PRR5L: variants seen among roughly 807,000 people sequenced by gnomAD.
The protein encoded by PRR5L is proline-rich protein 5-like.
Under a neutral mutation model 36.4 loss-of-function variants are expected in PRR5L, and 21 were observed. The observed-to-expected ratio is 0.58, with a 90% CI of 0.41 to 0.83. The LOEUF (loss-of-function observed/expected upper bound fraction) is 0.83, where lower values mean the gene tolerates loss of function less well. Ranked by LOEUF, PRR5L falls within the 40% of genes least tolerant of loss-of-function variation. The probability of loss-of-function intolerance (pLI) is 0.00; values close to 1 mark genes in which losing one functional copy is unlikely to be tolerated. For missense variants in PRR5L, 381 were observed against 473.3 expected (o/e 0.80, Z 1.81); for synonymous variants, 188 against 197.0 (o/e 0.95, Z 0.38).
At chr11:36,346,275 C>G (rs779279893) in intron 1 of PRR5L, among the ~76,000 whole-genome samples, 29 of 152,134 alleles carry the variant, frequency 1.9e-4, no homozygotes, top group Admixed American at 4.6e-4. Context: ...GCCCAGCCTT[C>G]TGAAGGATTT....
At chr11:36,360,990 G>A (rs1857080589) in intron 1 of PRR5L, among the ~76,000 whole-genome samples, 1 of 152,202 alleles carries the variant, frequency 6.6e-6, no homozygotes, top group African/African-American at 2.4e-5. Flanking sequence ...TCAGTTCAAT[G>A]TTCTGCTGTG....
chr11:36,322,441 T>C (rs1462796234), intron 1 of PRR5L, among the ~76,000 whole-genome samples: 1 of 152,124 alleles, frequency 6.6e-6, no homozygotes, highest in East Asian at 1.9e-4. Flanking sequence ...TGGTTTAGAG[T>C]GAACTGTTGT....
rs187733868 is a variant in PRR5L at position 36,365,966 on chromosome 11, T to G, written c.-125-35031T>G. 7.2e-5 allele frequency among the ~76,000 whole-genome samples: 11 copies of G among 152,346 alleles called. No homozygotes were observed. The East Asian group carries it at 2.1e-3, about 29-fold the overall frequency. The stretch of plus-strand genomic sequence containing the variant: ...GCTAGGGGACAGGGCATCTTTCCTC[T>G]GTTCACTTTCTGCTCTTGCAGAAAT... On this transcript the variant is annotated intron_variant, in intron 1 of 8. Transcript: ENST00000530639.
At chr11:36,348,962 A>G (rs1408418722) in intron 1 of PRR5L, among the ~76,000 whole-genome samples, 1 of 152,186 alleles carries the variant, frequency 6.6e-6, no homozygotes, top group African/African-American at 2.4e-5. Flanking sequence ...CATTTGATGT[A>G]AAATGTCCTT....
At chr11:36,303,562 C>A (rs12146689) in intron 1 of PRR5L, among the ~76,000 whole-genome samples, 29,384 of 152,098 alleles carry the variant, frequency 0.19, 2,975 homozygotes, top group South Asian at 0.34. Flanking sequence ...TAATCTGCAC[C>A]TGTTATAAAA....
At chr11:36,384,475 A>C (rs1590513481) in intron 1 of PRR5L, among the ~76,000 whole-genome samples, 2 of 152,268 alleles carry the variant, frequency 1.3e-5, no homozygotes, top group Admixed American at 6.5e-5. Flanking sequence ...CATCCAGTGG[A>C]CACTCTAATG....
At chr11:36,299,875 AAACAAC>A (rs199578894) in intron 1 of PRR5L, among the ~76,000 whole-genome samples, 9 of 152,084 alleles carry the variant, frequency 5.9e-5, no homozygotes, top group African/African-American at 1.7e-4. Flanking sequence ...CTATAAAGGT[AAACAAC>A]AACAACAACA....
At chr11:36,439,215 GGGTCTCTCTTCA>G (rs768004089) in intron 6 of PRR5L, among the ~76,000 whole-genome samples, 2 of 152,082 alleles carry the variant, frequency 1.3e-5, no homozygotes, top group African/African-American at 4.8e-5. Flanking sequence ...GAGGGGCCCT[GGGTCTCTCTTCA>G]GGCCATTTGT....
rs1239078415 is a variant in PRR5L at position 36,350,938 on chromosome 11, T to TTATA, written c.-125-50049_-125-50046dup. Reference sequence around the variant, plus strand: ...TATATATTTATATATATTTATATATTTATATATATATATTTATATATATTT... The same window carrying TTATA: ...TATATATTTATATATATTTATATATTTATATATATATATATATTTATATATATTT... On this transcript the variant is annotated intron_variant, in intron 1 of 8. Transcript: ENST00000530639. 7.0e-5 allele frequency among the ~76,000 whole-genome samples: 2 copies of TTATA among 28,384 alleles called. 1 individual carries two copies. Among genetic ancestry groups the TTATA allele is most frequent in the Non-Finnish European group, 1.2e-4 (2 of 16,424 alleles). The allele number at this position is 28,384 out of a possible 152,430, so 18.6% of individuals were successfully genotyped here.
intron 3 of PRR5L, among the ~76,000 whole-genome samples, chr11:36,411,017 C>T (rs571693373): frequency 2.0e-5 from 3 of 152,314 alleles, no homozygotes; most frequent in East Asian, 1.9e-4. Flanking sequence ...TGCCAGATGG[C>T]GCAGAAATAT....
rs1856829635 is a variant in PRR5L, at chr11:36,342,774, C to T, written c.-126+46336C>T. Among the ~76,000 whole-genome samples, 4 of 152,126 alleles carry T rather than the reference C, an allele frequency of 2.6e-5. No individual in the cohort carries two copies. In the South Asian group the frequency reaches 6.2e-4, roughly 24 times the overall value. ...GACCAGAGACCCTTTACAATCCAGT[C>T]TTCTTCTCCCTTTAAATATAGCCGC... On this transcript the variant is annotated intron_variant, in intron 1 of 8. Transcript: ENST00000530639.
chr11:36,352,276 ATTTGTTT>A (rs1398060157), intron 1 of PRR5L, among the ~76,000 whole-genome samples: 19 of 151,866 alleles, frequency 1.3e-4, no homozygotes, highest in African/African-American at 3.4e-4. Context: ...TGATGGGATT[ATTTGTTT>A]TTTGTTTTTT....
At chr11:36,348,515 C>T (rs570842468) in intron 1 of PRR5L, among the ~76,000 whole-genome samples, 7 of 152,282 alleles carry the variant, frequency 4.6e-5, no homozygotes, top group African/African-American at 1.4e-4. Context: ...CTGGAACTTC[C>T]GGGCACCTCT....
intron 1 of PRR5L, among the ~76,000 whole-genome samples, chr11:36,325,125 G>A (rs888624245): frequency 6.6e-6 from 1 of 152,136 alleles, no homozygotes; most frequent in Admixed American, 6.5e-5. Context: ...TGGAATCTTG[G>A]GCCATGCGGT....
At chr11:36,366,142 T>G (rs1400208641) in intron 1 of PRR5L, among the ~76,000 whole-genome samples, 2 of 152,200 alleles carry the variant, frequency 1.3e-5, no homozygotes, top group Non-Finnish European at 2.9e-5. Flanking sequence ...AACTGTATAA[T>G]TTGTAGTTAT....
At chr11:36,433,564 T>C (rs1042459442) in intron 5 of PRR5L, among the ~76,000 whole-genome samples, 2 of 152,234 alleles carry the variant, frequency 1.3e-5, no homozygotes, top group Non-Finnish European at 2.9e-5. Flanking sequence ...TGCTTCTTTT[T>C]TTGAGACAGA....
intron 1 of PRR5L, among the ~76,000 whole-genome samples, chr11:36,393,360 A>G (rs553865937): frequency 1.4e-4 from 21 of 152,284 alleles, no homozygotes; most frequent in Non-Finnish European, 2.6e-4. Flanking sequence ...ATTTTTATAT[A>G]TAAGATAGGG....
chr11:36,298,009 C>T (rs541602097), intron 1 of PRR5L, among the ~76,000 whole-genome samples: 1 of 152,324 alleles, frequency 6.6e-6, no homozygotes, highest in African/African-American at 2.4e-5. Context: ...CTAGTTCTTT[C>T]TCTCTAGGCA....
In PRR5L at chr11:36,419,240, C is replaced by T. The variant is rs764107616; in HGVS notation, c.246-15C>T. ...AGGGCTGCTTGACGGTGTTTCTCTTCTCCCTTCTCCCCAGGCGGCTGTTGA... is the reference window on the plus strand; with the variant it reads ...AGGGCTGCTTGACGGTGTTTCTCTTTTCCCTTCTCCCCAGGCGGCTGTTGA... On this transcript the variant is annotated splice_polypyrimidine_tract_variant and intron_variant, in intron 3 of 8. Transcript: ENST00000530639. The T allele has an allele frequency of 3.2e-5, 51 of 1,613,342 alleles. 1 individual carries two copies. Among genetic ancestry groups the T allele is most frequent in the Non-Finnish European group, 3.7e-5 (44 of 1,179,402 alleles).
Sources: gnomAD v4.1 joint callset for allele counts (sites outside exome capture counted in the v4.1 genomes callset) on GRCh38, gnomAD v4.1.1 for gene constraint, MANE v1.5 for transcripts, NCBI Gene and HGNC (gene_info 2026-07-23, HGNC 2026-07-21) for gene names.